Variants in MCU observed in about 807,000 individuals in gnomAD.
MCU encodes mitochondrial calcium uniporter.
MCU carries 12 observed loss-of-function variants against 45.2 expected under a neutral mutation model. That is an observed-to-expected ratio of 0.27 (90% CI 0.17 to 0.43). The LOEUF is 0.43. MCU is among the 20% of genes least tolerant of loss of function. The pLI, the probability that MCU is intolerant of heterozygous loss-of-function variation, is 1.00. For missense variants in MCU, 324 were observed against 436.7 expected (o/e 0.74, Z 2.30); for synonymous variants, 160 against 165.1 (o/e 0.97, Z 0.24).
Position 72,815,565 on chromosome 10 carries a change from A to G in MCU, c.151-18794A>G, listed in dbSNP as rs116239315. ...TTAGCTTTCTCTTTAGCAAGAAACA[A>G]TGTTAGAAAACAATAGAGGAATGTT... On this transcript the variant is annotated intron_variant, in intron 1 of 7. Transcript: ENST00000373053. Among the ~76,000 whole-genome samples, 851 of 152,332 alleles carry G rather than the reference A, an allele frequency of 5.6e-3. 7 individuals carry two copies. Among genetic ancestry groups the G allele is most frequent in the African/African-American group, 0.019 (798 of 41,578 alleles).
intron 4 of MCU, 61 bp downstream of exon 4, chr10:72,860,588 A>T (rs887479739): frequency 1.5e-6 from 2 of 1,356,248 alleles, no homozygotes; most frequent in Non-Finnish European, 2.1e-6. Context: ...AAATAACTTT[A>T]TTTTTTTTCC....
intron 1 of MCU, among the ~76,000 whole-genome samples, chr10:72,771,022 G>T (rs1390718170): frequency 1.3e-5 from 2 of 151,652 alleles, no homozygotes; most frequent in Non-Finnish European, 2.9e-5. Flanking sequence ...TTTTTATCTT[G>T]GGATGTCTTA....
At chr10:72,819,149 T>C (rs1589478275) in intron 1 of MCU, among the ~76,000 whole-genome samples, 1 of 152,170 alleles carries the variant, frequency 6.6e-6, no homozygotes, top group Non-Finnish European at 1.5e-5. Flanking sequence ...TAAAAATCAA[T>C]AGCAGAGAGG....
At chr10:72,858,635 A>G (rs1275920192) in intron 2 of MCU, among the ~76,000 whole-genome samples, 1 of 152,184 alleles carries the variant, frequency 6.6e-6, no homozygotes, top group Non-Finnish European at 1.5e-5. Context: ...CCCTTGGCCA[A>G]GAGGGGGTCC....
At chr10:72,869,994 C>T (rs1845515857) in intron 5 of MCU, among the ~76,000 whole-genome samples, 1 of 152,078 alleles carries the variant, frequency 6.6e-6, no homozygotes, top group African/African-American at 2.4e-5. Context: ...TATATATATA[C>T]ATACACAGAG....
At chr10:72,711,496 C>T (rs1842893721) in intron 1 of MCU, among the ~76,000 whole-genome samples, 1 of 150,362 alleles carries the variant, frequency 6.7e-6, no homozygotes, top group Admixed American at 6.6e-5. Context: ...GCTGTGATTA[C>T]AGGCATGAGC....
At chr10:72,694,986 G>A (rs559257299) in intron 1 of MCU, among the ~76,000 whole-genome samples, 22 of 152,174 alleles carry the variant, frequency 1.4e-4, no homozygotes, top group South Asian at 4.1e-4. Context: ...GCACCATCTA[G>A]TGTAATTTTT....
chr10:72,848,340 G>T (rs927044104), intron 2 of MCU, among the ~76,000 whole-genome samples: 1 of 152,182 alleles, frequency 6.6e-6, no homozygotes, highest in Non-Finnish European at 1.5e-5. Context: ...CAAGATCGAG[G>T]AGTCCATCTA....
At chr10:72,808,527 G>A (rs1275781574) in intron 1 of MCU, among the ~76,000 whole-genome samples, 1 of 152,328 alleles carries the variant, frequency 6.6e-6, no homozygotes, top group Non-Finnish European at 1.5e-5. Context: ...AGGTCATCTT[G>A]TAGAAGGAAG....
rs1451738253 is a variant in MCU, at chr10:72,828,249, A to G, written c.151-6110A>G. On this transcript the variant is annotated intron_variant, in intron 1 of 7. Transcript: ENST00000373053. The stretch of plus-strand genomic sequence containing the variant: ...ATGTAACAGGGAGATACAAGTGGTC[A>G]TATCCAAACTTAAGGCAGAGTGAGG... Among the ~76,000 whole-genome samples the G allele has an allele frequency of 2.0e-5, 3 of 152,310 alleles. No individual in the cohort carries two copies. In the East Asian group the frequency reaches 5.8e-4, roughly 29 times the overall value.
At chr10:72,728,602 AT>A (rs1843130449) in intron 1 of MCU, among the ~76,000 whole-genome samples, 2 of 152,138 alleles carry the variant, frequency 1.3e-5, no homozygotes, top group Non-Finnish European at 2.9e-5. Flanking sequence ...TAGGGCGTGG[AT>A]ATTATATGGT....
At chr10:72,774,041 A>G (rs905206639) in intron 1 of MCU, among the ~76,000 whole-genome samples, 1 of 152,230 alleles carries the variant, frequency 6.6e-6, no homozygotes, top group African/African-American at 2.4e-5. Context: ...AAACTTTTCA[A>G]CATATAACAT....
At chr10:72,773,626 C>T (rs920489889) in intron 1 of MCU, among the ~76,000 whole-genome samples, 2 of 152,108 alleles carry the variant, frequency 1.3e-5, no homozygotes, top group African/African-American at 4.8e-5. Flanking sequence ...TATCCAGGCA[C>T]AGGAAAGTCT....
intron 1 of MCU, among the ~76,000 whole-genome samples, chr10:72,726,252 CACACGTGTGTGT>C (rs1272372908): frequency 1.2e-5 from 1 of 83,194 alleles, no homozygotes; most frequent in African/African-American, 6.5e-5. Context: ...GGCACACACA[CACACGTGTGTGT>C]GTGTGTGTGT....
Position 72,859,307 on chromosome 10 carries a change from A to G in MCU, c.351A>G (p.Glu117=). The G allele has an allele frequency of 6.2e-7, 1 of 1,613,874 alleles. No homozygotes were observed. Among genetic ancestry groups the G allele is most frequent in the Non-Finnish European group, 8.5e-7 (1 of 1,179,922 alleles). Residue 117 remains glutamate, a synonymous_variant, in exon 3 of 8, where the codon GAA becomes GAG. Coordinates refer to ENST00000373053, the MANE Select transcript of MCU (RefSeq NM_138357.3). The part of the protein sequence containing the change: ...SVGVFLRQLQ[E]EDRGIDRVAI... ...GTGTATTTTTACGACAACTGCAAGAAGAGGATCGGGGAATTGACAGAGTTG... is the reference window on the plus strand; with the variant it reads ...GTGTATTTTTACGACAACTGCAAGAGGAGGATCGGGGAATTGACAGAGTTG...
chr10:72,701,687 C>T (rs953296134), intron 1 of MCU, among the ~76,000 whole-genome samples: 16 of 151,972 alleles, frequency 1.1e-4, no homozygotes, highest in Admixed American at 3.9e-4. Context: ...CCACCACGCC[C>T]GGCTAATTTT....
chr10:72,692,368 G>GGCAGGCCGCCGGGGCA, intron 1 of MCU, 67 bp downstream of exon 1: 1 of 1,136,208 alleles, frequency 8.8e-7, no homozygotes, highest in Non-Finnish European at 1.1e-6. Flanking sequence ...GCCGCCGGCG[G>GGCAGGCCGCCGGGGCA]GCAGGCCGCC....
intron 1 of MCU, among the ~76,000 whole-genome samples, chr10:72,811,773 T>C (rs1844546972): frequency 6.6e-6 from 1 of 152,228 alleles, no homozygotes; most frequent in African/African-American, 2.4e-5. Context: ...AACTAACTTA[T>C]CTTTGAAGAT....
At chr10:72,838,579 T>G (rs1459063547) in intron 2 of MCU, among the ~76,000 whole-genome samples, 1 of 152,104 alleles carries the variant, frequency 6.6e-6, no homozygotes, top group African/African-American at 2.4e-5. Context: ...AAGGCGACAG[T>G]GAGCTTTGAC....
Sources: gnomAD v4.1 joint callset for allele counts (sites outside exome capture counted in the v4.1 genomes callset) on GRCh38, gnomAD v4.1.1 for gene constraint, MANE v1.5 for transcripts, NCBI Gene and HGNC (gene_info 2026-07-23, HGNC 2026-07-21) for gene names.